Variants in TENM1 observed in about 807,000 individuals in gnomAD.
TENM1 encodes the protein teneurin-1.
A neutral mutation model predicts 174.8 loss-of-function variants in TENM1; 35 were observed. The observed-to-expected ratio is 0.20, with a 90% CI of 0.15 to 0.27. The LOEUF is 0.27. TENM1 is among the 10% of genes least tolerant of loss of function. The pLI is 1.00. For synonymous variants in TENM1, 781 were observed against 798.7 expected (o/e 0.98, Z 0.37); for missense variants, 1,633 against 2,130.1 (o/e 0.77, Z 4.59).
intron 11 of TENM1, among the ~76,000 whole-genome samples, chrX:124,588,108 C>G: frequency 9.0e-6 from 1 of 111,589 alleles, no homozygotes; most frequent in Admixed American, 9.5e-5. Flanking sequence ...TAAACTAGTT[C>G]AACCATTGTG....
At chrX:124,840,259 T>G (rs1395650908) in intron 3 of TENM1, among the ~76,000 whole-genome samples, 1 of 111,754 alleles carries the variant, frequency 8.9e-6, no homozygotes, top group African/African-American at 3.3e-5. Context: ...TAAGTTCTTT[T>G]GATACACCCA....
chrX:124,503,366 A>G (rs2047374381), intron 19 of TENM1, among the ~76,000 whole-genome samples, 194 bp downstream of exon 22: 1 of 111,518 alleles, frequency 9.0e-6, no homozygotes, highest in South Asian at 3.8e-4. Flanking sequence ...GAAGGGATAG[A>G]TTAAGATGAG....
intron 3 of TENM1, among the ~76,000 whole-genome samples, chrX:124,792,274 T>A (rs888268494): frequency 1.8e-5 from 2 of 111,920 alleles, no homozygotes; most frequent in African/African-American, 6.5e-5. Flanking sequence ...TGTAGTGAAA[T>A]TTCCAGAGTC....
intron 11 of TENM1, among the ~76,000 whole-genome samples, chrX:124,584,360 A>T (rs2049428289): frequency 9.0e-6 from 1 of 111,015 alleles, no homozygotes; most frequent in African/African-American, 3.3e-5. Context: ...TACAAGCCAG[A>T]AGAGAGTGGG....
intron 13 of TENM1, 55 bp downstream of exon 16, chrX:124,563,694 C>T (rs1285571502): frequency 5.4e-5 from 53 of 976,097 alleles, no homozygotes; most frequent in Middle Eastern, 3.5e-4. Context: ...TTCTTACATG[C>T]ATATTTTCTT....
At chrX:124,993,819 CACACACACACACAAAT>C in the TENM1 span, among the ~76,000 whole-genome samples, 69 of 110,721 alleles carry the variant, frequency 6.2e-4, no homozygotes, top group East Asian at 0.012. Context: ...TGCATGCACA[CACACACACACACAAAT>C]ACACACACAC....
At chrX:124,809,755 T>A (rs1266783423) in intron 3 of TENM1, among the ~76,000 whole-genome samples, 1 of 109,233 alleles carries the variant, frequency 9.2e-6, no homozygotes, top group Non-Finnish European at 1.9e-5. Context: ...TAATCGACTC[T>A]GAGTTCTGCA....
At chrX:124,656,653 C>CA (rs2051451239) in intron 6 of TENM1, among the ~76,000 whole-genome samples, 1 of 111,861 alleles carries the variant, frequency 8.9e-6, no homozygotes, top group South Asian at 3.7e-4. Flanking sequence ...TCCCTGTTAG[C>CA]AATCTAGACC....
At chrX:124,677,318 G>C (rs1226472497) in intron 5 of TENM1, among the ~76,000 whole-genome samples, 2 of 110,844 alleles carry the variant, frequency 1.8e-5, no homozygotes, top group Non-Finnish European at 3.8e-5. Flanking sequence ...CTGTTTACAT[G>C]TCTGTCTCAT....
intron 15 of TENM1, among the ~76,000 whole-genome samples, chrX:124,540,616 C>T (rs12390320): frequency 0.27 from 29,779 of 110,761 alleles, 4,482 homozygotes; most frequent in African/African-American, 0.58. Flanking sequence ...ACGCATGTTA[C>T]ATTAAACAAG....
At chrX:124,970,846 T>C in the TENM1 span, among the ~76,000 whole-genome samples, 3,382 of 110,746 alleles carry the variant, frequency 0.031, 89 homozygotes, top group African/African-American at 0.089. Context: ...CGTATGTTCA[T>C]GGCGGCACTA....
chrX:124,719,861 C>T (rs1005734725), intron 4 of TENM1, among the ~76,000 whole-genome samples: 10 of 111,938 alleles, frequency 8.9e-5, no homozygotes, highest in Non-Finnish European at 1.3e-4. Context: ...AATATCATCA[C>T]GGATTCACGG....
At chrX:125,020,248 C>T in the TENM1 span, among the ~76,000 whole-genome samples, 2 of 111,312 alleles carry the variant, frequency 1.8e-5, no homozygotes, top group African/African-American at 6.5e-5. Flanking sequence ...AGAATGTGAG[C>T]TCCAAGAAGA....
the TENM1 span, among the ~76,000 whole-genome samples, chrX:125,133,214 T>C: frequency 9.0e-6 from 1 of 111,243 alleles, no homozygotes; most frequent in East Asian, 2.9e-4. Flanking sequence ...CAGGATGGCC[T>C]CAATCTCCTG....
chrX:124,929,757 G>A (rs2058142830), intron 1 of TENM1, among the ~76,000 whole-genome samples: 1 of 111,834 alleles, frequency 8.9e-6, no homozygotes, highest in African/African-American at 3.3e-5. Flanking sequence ...CTATGCCTCA[G>A]AATTACTATG....
the TENM1 span, among the ~76,000 whole-genome samples, chrX:125,084,176 C>A: frequency 9.1e-6 from 1 of 110,283 alleles, no homozygotes; most frequent in Non-Finnish European, 1.9e-5. Flanking sequence ...TCCTGACACA[C>A]ATGCACAGGA....
At chrX:124,857,780 A>C (rs1239469027) in intron 3 of TENM1, among the ~76,000 whole-genome samples, 8 of 110,679 alleles carry the variant, frequency 7.2e-5, no homozygotes, top group African/African-American at 2.3e-4. Flanking sequence ...AAAACCCAAA[A>C]CCAGAAGCAA....
chrX:124,380,935 C>A, exon 32 of TENM1: 2 of 1,211,411 alleles, frequency 1.7e-6, no homozygotes, highest in South Asian at 1.8e-5. Context: ...GAATCCGCCT[C>A]CCCCCAGTGT....
the TENM1 span, among the ~76,000 whole-genome samples, chrX:125,063,991 T>C: frequency 9.0e-6 from 1 of 111,210 alleles, no homozygotes; most frequent in Admixed American, 9.6e-5. Flanking sequence ...TAAAAAAGGA[T>C]GAGTTCATGT....
Sources: gnomAD v4.1 joint callset for allele counts (sites outside exome capture counted in the v4.1 genomes callset) on GRCh38, gnomAD v4.1.1 for gene constraint, MANE v1.5 for transcripts, NCBI Gene and HGNC (gene_info 2026-07-23, HGNC 2026-07-21) for gene names.